The following NUDCD3 variants were observed in gnomAD, a reference collection of about 807,000 sequenced individuals.
NUDCD3 encodes the protein NudC domain containing 3, also known as nudC domain-containing protein 3.
A neutral mutation model predicts 39.7 loss-of-function variants in NUDCD3; 13 were observed. The observed-to-expected ratio is 0.33, with a 90% CI of 0.21 to 0.52. The LOEUF (loss-of-function observed/expected upper bound fraction) is 0.52, where lower values mean the gene tolerates loss of function less well. Among genes scored for constraint, NUDCD3 ranks in the 20% least tolerant of loss-of-function variants. The pLI, the probability that NUDCD3 is intolerant of heterozygous loss-of-function variation, is 0.96. For synonymous variants in NUDCD3, 175 were observed against 172.4 expected, an observed-to-expected ratio of 1.02 and a Z score of -0.12; for missense variants, 453 against 458.1, an observed-to-expected ratio of 0.99 and a Z score of 0.10.
At chr7:44,462,184 CAGAAAG>C (rs1800029731) in intron 2 of NUDCD3, among the ~76,000 whole-genome samples, 1 of 152,116 alleles carries the variant, frequency 6.6e-6, no homozygotes, top group African/African-American at 2.4e-5. Flanking sequence ...TACACACATA[CAGAAAG>C]AGAAAAAGAA....
intron 2 of NUDCD3, chr7:44,467,768 T>G: frequency 1.5e-6 from 1 of 664,208 alleles, no homozygotes; most frequent in Non-Finnish European, 2.6e-6. Context: ...ACAACAGCCC[T>G]TTAATTGTTA....
At position 44,404,542 on chromosome 7, in the gene NUDCD3, C is replaced by T; in HGVS notation, c.684G>A (p.Met228Ile). The T allele has an allele frequency of 1.2e-6, 2 of 1,614,060 alleles. No individual in the cohort carries two copies. The highest frequency in any genetic ancestry group is 1.7e-6 in the Non-Finnish European group (2 of 1,180,026). Residue 228 changes from methionine (M) to isoleucine (I), a missense_variant, in exon 4 of 6, where the codon ATG becomes ATA. By Grantham distance (10) the Met-to-Ile change is conservative. Transcript: ENST00000355451. ...GGACGCGCTCCCCATTTTCCTCCAG[C>T]ATGGCCACACGAATGGAGCTGCTGC... ...ALSSSSIRVA[M>I]LEENGERVLM...
intron 3 of NUDCD3, chr7:44,413,428 C>G (rs1286791809): frequency 6.6e-6 from 1 of 152,142 alleles, no homozygotes; most frequent in African/African-American, 2.4e-5. Context: ...CAATACATAT[C>G]ACCTACAAAG....
At chr7:44,412,943 GA>G (rs1294502339) in intron 3 of NUDCD3, among the ~76,000 whole-genome samples, 138 of 126,378 alleles carry the variant, frequency 1.1e-3, no homozygotes, top group East Asian at 4.2e-3. Flanking sequence ...AAAAAAAAAA[GA>G]AAAAAAAAAA....
At chr7:44,406,577 A>T (rs1262795758) in intron 3 of NUDCD3, among the ~76,000 whole-genome samples, 1 of 152,224 alleles carries the variant, frequency 6.6e-6, no homozygotes, top group African/African-American at 2.4e-5. Context: ...ATATAACATA[A>T]TAATTTCCAA....
intron 4 of NUDCD3, among the ~76,000 whole-genome samples, chr7:44,395,612 A>C (rs866261961): frequency 2.0e-5 from 3 of 152,152 alleles, no homozygotes; most frequent in African/African-American, 4.8e-5. Flanking sequence ...GCAACTACTA[A>C]TGATTCTGCC....
At chr7:44,445,035 C>T (rs1205965812) in intron 2 of NUDCD3, among the ~76,000 whole-genome samples, 1 of 152,210 alleles carries the variant, frequency 6.6e-6, no homozygotes, top group Admixed American at 6.5e-5. Context: ...ATGAATGTCC[C>T]ACCCTTGGAC....
Position 44,480,586 on chromosome 7 carries a change from T to C in NUDCD3, c.509+4382A>G, listed in dbSNP as rs1028882413. 5.3e-5 allele frequency among the ~76,000 whole-genome samples: 8 copies of C among 152,168 alleles called. No individual in the cohort carries two copies. The South Asian group carries it at 1.2e-3, about 24-fold the overall frequency. ...CAGCCCTCGCTATCCATGGGTTCCA[T>C]AGCCCAAATCAAAATATTCCCAAAA... On this transcript the variant is annotated intron_variant, in intron 2 of 5. Transcript: ENST00000355451.
chr7:44,386,385 G>A (rs1798403830), intron 5 of NUDCD3, among the ~76,000 whole-genome samples: 1 of 152,172 alleles, frequency 6.6e-6, no homozygotes, highest in Non-Finnish European at 1.5e-5. Flanking sequence ...GCAAGCACTG[G>A]CTCCTCTTTA....
At chr7:44,489,042 C>T (rs1462148510) in intron 1 of NUDCD3, among the ~76,000 whole-genome samples, 1 of 152,232 alleles carries the variant, frequency 6.6e-6, no homozygotes, top group African/African-American at 2.4e-5. Context: ...TCTCATCCTA[C>T]TATGGAATGG....
rs539015946 is a variant in NUDCD3, at chr7:44,403,857, A to G, written c.786+583T>C. On this transcript the variant is annotated intron_variant, in intron 4 of 5. Transcript: ENST00000355451. Reference sequence around the variant, plus strand: ...TTAGTTCAGAACATGTTGTGCCTCAATTTATCTGTAGGTGACCTCCACTTG... The same window carrying G: ...TTAGTTCAGAACATGTTGTGCCTCAGTTTATCTGTAGGTGACCTCCACTTG... Among the ~76,000 whole-genome samples, 9 of 152,330 alleles carry G rather than the reference A, an allele frequency of 5.9e-5. No individual in the cohort carries two copies. The South Asian group carries it at 1.9e-3, about 32-fold the overall frequency.
At chr7:44,482,304 C>A (rs1225091624) in intron 2 of NUDCD3, among the ~76,000 whole-genome samples, 1 of 152,132 alleles carries the variant, frequency 6.6e-6, no homozygotes, top group Non-Finnish European at 1.5e-5. Context: ...GTTCAAGCCT[C>A]AACCAGTCAG....
At chr7:44,473,651 G>T (rs1223920149) in intron 2 of NUDCD3, among the ~76,000 whole-genome samples, 2 of 152,132 alleles carry the variant, frequency 1.3e-5, no homozygotes, top group South Asian at 2.1e-4. Context: ...TGCAAAAGAT[G>T]ATATTGAACA....
chr7:44,423,377 G>T (rs116986221), intron 3 of NUDCD3, among the ~76,000 whole-genome samples: 259 of 152,210 alleles, frequency 1.7e-3, no homozygotes, highest in Middle Eastern at 0.014. Context: ...TGACATGATC[G>T]TACATTTAGA....
intron 2 of NUDCD3, among the ~76,000 whole-genome samples, chr7:44,431,017 AT>A (rs1799353884): frequency 6.6e-6 from 1 of 152,228 alleles, no homozygotes; most frequent in African/African-American, 2.4e-5. Context: ...AAGCAGGAGA[AT>A]CACTCCTAAA....
In NUDCD3 at chr7:44,490,461, G is replaced by A; in HGVS notation, c.140C>T (p.Pro47Leu). Residue 47 changes from proline to leucine, a missense_variant, in exon 1 of 6, where the codon CCA becomes CTA. By Grantham distance (98) the Pro-to-Leu change is moderately conservative. Transcript: ENST00000355451. ...GGGCGGGAAGCCCATGCGGTCCGAT[G>A]GGTGGCGCAGCAAGCGATAGAAGTC... ...KTDFYRLLRH[P>L]SDRMGFPPGA... is the part of the protein sequence containing the mutation. 1.9e-6 allele frequency: 3 copies of A among 1,600,382 alleles called. No individual in the cohort carries two copies. Among genetic ancestry groups the A allele is most frequent in the Non-Finnish European group, 2.6e-6 (3 of 1,174,366 alleles).
intron 2 of NUDCD3, among the ~76,000 whole-genome samples, chr7:44,428,080 T>C (rs1016447587): frequency 6.4e-5 from 9 of 141,452 alleles, no homozygotes; most frequent in African/African-American, 2.1e-4. Flanking sequence ...CTTAGGCTCA[T>C]GAGTCCTTGG....
chr7:44,477,775 C>T (rs1458695598), intron 2 of NUDCD3, among the ~76,000 whole-genome samples: 1 of 150,240 alleles, frequency 6.7e-6, no homozygotes, highest in African/African-American at 2.4e-5. Context: ...CACTGAGGCT[C>T]AAATGGCACT....
chr7:44,441,523 C>T (rs1457426033), intron 2 of NUDCD3, among the ~76,000 whole-genome samples: 1 of 152,134 alleles, frequency 6.6e-6, no homozygotes, highest in Non-Finnish European at 1.5e-5. Context: ...ACCCTACATA[C>T]AGCCCAGTCA....
Sources: allele counts gnomAD v4.1 joint callset (sites outside exome capture counted in the v4.1 genomes callset), GRCh38; gene constraint gnomAD v4.1.1; transcripts MANE v1.5; gene names NCBI Gene and HGNC (gene_info 2026-07-23, HGNC 2026-07-21).